Variants in ARHGEF28 observed in about 807,000 individuals in gnomAD.
ARHGEF28 encodes the protein 190 kDa guanine nucleotide exchange factor.
A neutral mutation model predicts 206.6 loss-of-function variants in ARHGEF28; 152 were observed. The ratio of observed to expected loss-of-function variants is 0.74; its 90% confidence interval spans 0.64 to 0.84. The LOEUF is 0.84. Among genes scored for constraint, ARHGEF28 ranks in the 40% least tolerant of loss-of-function variants. The pLI, the probability that ARHGEF28 is intolerant of heterozygous loss-of-function variation, is 0.00. For missense variants in ARHGEF28, 2,028 were observed against 2,073.2 expected (o/e 0.98, Z 0.42); for synonymous variants, 763 against 776.4 (o/e 0.98, Z 0.29).
chr5:73,813,546 G>C (rs1755977218), intron 9 of ARHGEF28: 2 of 1,533,986 alleles, frequency 1.3e-6, no homozygotes, highest in Non-Finnish European at 1.7e-6. Context: ...AGTTCTTCCT[G>C]AGTCTCTACT....
chr5:73,655,845 A>G (rs1176846078), intron 1 of ARHGEF28, among the ~76,000 whole-genome samples: 1 of 152,192 alleles, frequency 6.6e-6, no homozygotes, highest in Non-Finnish European at 1.5e-5. Flanking sequence ...CTGAAGGCCA[A>G]ATTCTACCCG....
chr5:73,796,608 G>T (rs747531804), intron 9 of ARHGEF28, among the ~76,000 whole-genome samples: 1 of 152,226 alleles, frequency 6.6e-6, no homozygotes, highest in Non-Finnish European at 1.5e-5. Flanking sequence ...TTGGTTGATG[G>T]TGTTGCTAGT....
chr5:73,760,524 A>G (rs1345371029), intron 4 of ARHGEF28, among the ~76,000 whole-genome samples: 1 of 152,174 alleles, frequency 6.6e-6, no homozygotes, highest in African/African-American at 2.4e-5. Context: ...TCTGTTGCTA[A>G]GGCAACCCAC....
intron 2 of ARHGEF28, among the ~76,000 whole-genome samples, chr5:73,723,998 G>C (rs906087146): frequency 1.3e-5 from 2 of 152,234 alleles, no homozygotes; most frequent in African/African-American, 4.8e-5. Flanking sequence ...TGGAATCCCT[G>C]GGTGGTTGTC....
chr5:73,811,991 A>G (rs2112519805), intron 9 of ARHGEF28, among the ~76,000 whole-genome samples: 1 of 152,168 alleles, frequency 6.6e-6, no homozygotes. Flanking sequence ...AAAAAAAAAA[A>G]AAAAAAAGCC....
At chr5:73,643,552 C>T (rs1561304184) in intron 1 of ARHGEF28, among the ~76,000 whole-genome samples, 1 of 152,100 alleles carries the variant, frequency 6.6e-6, no homozygotes, top group Non-Finnish European at 1.5e-5. Context: ...TGGTGGCTCA[C>T]GCCTGTAATC....
intron 22 of ARHGEF28, among the ~76,000 whole-genome samples, chr5:73,875,179 G>A (rs1400803722): frequency 1.3e-5 from 2 of 152,012 alleles, no homozygotes; most frequent in South Asian, 2.1e-4. Context: ...GTGATGATGA[G>A]CATTTTTTCA....
chr5:73,713,565 A>G lies in ARHGEF28; in HGVS notation c.33+28681A>G, dbSNP rs544947296. ...ATTCTGAACAGATAGAAGTTCTAGC[A>G]GAACTATTTAAGATGTAATCTTGAC... On this transcript the variant is annotated intron_variant, in intron 2 of 35. Coordinates refer to ENST00000513042, the MANE Select transcript of ARHGEF28 (RefSeq NM_001177693.2). Among the ~76,000 whole-genome samples, 461 of 152,300 alleles carry G rather than the reference A, an allele frequency of 3.0e-3. 2 individuals carry two copies. The highest frequency in any genetic ancestry group is 0.011 in the African/African-American group (447 of 41,574).
In ARHGEF28 at chr5:73,911,377, C is replaced by A. The variant is rs1387549003; in HGVS notation, c.4750C>A (p.Pro1584Thr). The change falls in exon 35 of 36, where the codon CCA becomes ACA. Residue 1584 changes from proline to threonine, a missense_variant. By Grantham distance (38) the Pro-to-Thr change is conservative (BLOSUM62 -1). Transcript: ENST00000513042. ...ATTTAACACTTTCAACAAACTGAAT[C>A]CATCAGTTATCCATCAGGATGCCAC... ...MSFNTFNKLN[P>T]SVIHQDATYP... 1.9e-5 allele frequency: 30 copies of A among 1,613,520 alleles called. No homozygotes were observed. The highest frequency in any genetic ancestry group is 2.3e-5 in the Non-Finnish European group (27 of 1,179,598).
intron 12 of ARHGEF28, 62 bp from the exon 13 acceptor site, chr5:73,848,914 G>C: frequency 8.5e-7 from 1 of 1,180,464 alleles, no homozygotes. Flanking sequence ...CATTTGAGGT[G>C]GTGAATATAT....
chr5:73,802,854 C>G (rs888697089), intron 9 of ARHGEF28, among the ~76,000 whole-genome samples: 8 of 146,840 alleles, frequency 5.4e-5, no homozygotes, highest in Non-Finnish European at 1.0e-4. Flanking sequence ...GGATAATTGG[C>G]CAGCAAGCTC....
chr5:73,938,574 C>A (rs1414244068), intron 35 of ARHGEF28, among the ~76,000 whole-genome samples: 6 of 152,116 alleles, frequency 3.9e-5, no homozygotes, highest in Non-Finnish European at 8.8e-5. Flanking sequence ...ACTGTTGTGG[C>A]TTTGGTGACC....
intron 2 of ARHGEF28, among the ~76,000 whole-genome samples, chr5:73,738,998 G>A (rs1044304672): frequency 6.6e-6 from 1 of 152,166 alleles, no homozygotes; most frequent in African/African-American, 2.4e-5. Context: ...AGGGCTTAGA[G>A]GAATATTTTC....
intron 2 of ARHGEF28, among the ~76,000 whole-genome samples, chr5:73,686,601 C>T (rs1747491332): frequency 1.3e-5 from 2 of 151,098 alleles, no homozygotes; most frequent in Admixed American, 1.3e-4. Context: ...TCACTGCAAG[C>T]TCCGTCTCCC....
At chr5:73,760,202 A>C (rs981849383) in intron 4 of ARHGEF28, among the ~76,000 whole-genome samples, 2 of 152,210 alleles carry the variant, frequency 1.3e-5, no homozygotes, top group Non-Finnish European at 2.9e-5. Context: ...AAAGCTCTGT[A>C]CTGGACAGCA....
intron 2 of ARHGEF28, among the ~76,000 whole-genome samples, chr5:73,745,628 T>A (rs1580559094): frequency 6.6e-6 from 1 of 152,246 alleles, no homozygotes; most frequent in South Asian, 2.1e-4. Context: ...TTCTAGTCAG[T>A]TCAGCTTTTC....
chr5:73,907,903 T>A (rs757402034), intron 33 of ARHGEF28, among the ~76,000 whole-genome samples: 41 of 152,124 alleles, frequency 2.7e-4, no homozygotes, highest in Admixed American at 1.3e-4. Context: ...TACGTGAGAG[T>A]TATTGTCTGT....
chr5:73,774,181 A>G, intron 5 of ARHGEF28, 143 bp downstream of exon 5: 1 of 663,262 alleles, frequency 1.5e-6, no homozygotes, highest in Non-Finnish European at 2.3e-6. Context: ...GATCATATAA[A>G]CAGATATACT....
chr5:73,829,530 C>T (rs1398009339), intron 9 of ARHGEF28, among the ~76,000 whole-genome samples: 2 of 152,076 alleles, frequency 1.3e-5, no homozygotes, highest in Non-Finnish European at 2.9e-5. Context: ...CAGGCGTGTG[C>T]CACCATGCCC....
Sources: gnomAD v4.1 joint callset for allele counts (sites outside exome capture counted in the v4.1 genomes callset) on GRCh38, gnomAD v4.1.1 for gene constraint, MANE v1.5 for transcripts, NCBI Gene and HGNC (gene_info 2026-07-23, HGNC 2026-07-21) for gene names.